The following SLC47A2 variants were observed in gnomAD, a reference collection of about 807,000 sequenced individuals.
SLC47A2 encodes the protein solute carrier family 47 member 2.
A neutral mutation model predicts 67.7 loss-of-function variants in SLC47A2; 52 were observed. The ratio of observed to expected loss-of-function variants is 0.77; its 90% CI spans 0.61 to 0.97. SLC47A2 has a LOEUF of 0.97. SLC47A2 is among the 50% of genes least tolerant of loss of function. The probability of loss-of-function intolerance (pLI) is 0.00; values close to 1 mark genes in which losing one functional copy is unlikely to be tolerated. For synonymous variants in SLC47A2, 278 were observed against 292.9 expected, an observed-to-expected ratio of 0.95 and a Z score of 0.52; for missense variants, 676 against 712.3, an observed-to-expected ratio of 0.95 and a Z score of 0.58.
chr17:19,698,133 C>T (rs533022759), intron 13 of SLC47A2, among the ~76,000 whole-genome samples: 1 of 152,256 alleles, frequency 6.6e-6, no homozygotes, highest in African/African-American at 2.4e-5. Flanking sequence ...AGGGAAAAGA[C>T]TCAAAACGCA....
intron 13 of SLC47A2, among the ~76,000 whole-genome samples, chr17:19,690,090 G>A (rs1382502955): frequency 2.6e-5 from 4 of 152,054 alleles, no homozygotes; most frequent in Non-Finnish European, 5.9e-5. Context: ...CTAATGGAAC[G>A]GAATAGAGAA....
At chr17:19,710,700 G>A (rs549437037) in intron 5 of SLC47A2, among the ~76,000 whole-genome samples, 4 of 152,060 alleles carry the variant, frequency 2.6e-5, no homozygotes, top group Admixed American at 1.3e-4. Flanking sequence ...TGATCTGCCC[G>A]CCTCAGCCTC....
At chr17:19,708,691 C>T in intron 6 of SLC47A2, 25 bp downstream of exon 6, 1 of 1,613,742 alleles carries the variant, frequency 6.2e-7, no homozygotes, top group South Asian at 1.1e-5. Context: ...GGAGAAGGGC[C>T]TCCCCACACA....
intron 13 of SLC47A2, among the ~76,000 whole-genome samples, chr17:19,694,174 ATTG>A (rs2085607210): frequency 6.6e-6 from 1 of 152,200 alleles, no homozygotes; most frequent in Admixed American, 6.6e-5. Context: ...AGGCCTCAAT[ATTG>A]TTAAGATGAC....
intron 13 of SLC47A2, among the ~76,000 whole-genome samples, chr17:19,695,379 T>C (rs1213238402): frequency 6.6e-6 from 1 of 151,396 alleles, no homozygotes; most frequent in Non-Finnish European, 1.5e-5. Context: ...CCCAGCACTT[T>C]GGGAGGCTGA....
chr17:19,701,936 AC>A (rs1292928648), intron 13 of SLC47A2: 1 of 176,198 alleles, frequency 5.7e-6, no homozygotes, highest in African/African-American at 2.4e-5. Context: ...CCCTGTCTCT[AC>A]AAAAAATACG....
intron 13 of SLC47A2, among the ~76,000 whole-genome samples, chr17:19,701,223 T>A (rs995192868): frequency 6.8e-6 from 1 of 147,036 alleles, no homozygotes; most frequent in Non-Finnish European, 1.5e-5. Context: ...ATGGGCTCCA[T>A]AAAGTAGTTT....
At position 19,703,154 on chromosome 17, in the gene SLC47A2, C is replaced by T. The variant is rs752760243; in HGVS notation, c.1032G>A (p.Leu344=). 3.1e-6 allele frequency: 5 copies of T among 1,614,120 alleles called. No homozygotes were observed. ...GGATGCTTATCAGGGTGCCCAGGAC[C>T]AGGGAAATGCCAACTGGAAGAGACA... ...SGVLSIVGIS[L]VLGTLISILK... The change falls in exon 12 of 17, where the codon CTG becomes CTA. Residue 344 remains leucine (L), a synonymous_variant. Coordinates refer to ENST00000433844, the MANE Select transcript of SLC47A2 (RefSeq NM_001099646.3).
chr17:19,707,699 A>T, intron 8 of SLC47A2, 47 bp downstream of exon 8: 1 of 1,515,066 alleles, frequency 6.6e-7, no homozygotes, highest in Non-Finnish European at 9.0e-7. Flanking sequence ...CTAGGGCAGC[A>T]CCACCGCTGG....
chr17:19,688,890 G>C (rs570863082), intron 13 of SLC47A2, among the ~76,000 whole-genome samples: 60 of 149,052 alleles, frequency 4.0e-4, no homozygotes, highest in Non-Finnish European at 8.3e-4. Flanking sequence ...TTAAGAGAGA[G>C]GGTCTCGCTG....
chr17:19,681,714 CTA>C (rs777359210), intron 13 of SLC47A2, 44 bp from the exon 14 acceptor site: 4 of 1,581,302 alleles, frequency 2.5e-6, no homozygotes, highest in Non-Finnish European at 3.4e-6. Flanking sequence ...GATGATGAGA[CTA>C]AGAGCAGGTG....
intron 1 of SLC47A2, 114 bp downstream of exon 1, chr17:19,716,319 G>A: frequency 7.0e-7 from 1 of 1,436,694 alleles, no homozygotes; most frequent in South Asian, 1.5e-5. Context: ...CAGTCAACAT[G>A]GGCAGTTTCT....
In SLC47A2 at chr17:19,713,826, T is replaced by C. The variant is rs1243307869; in HGVS notation, c.442A>G (p.Arg148Gly). 2 of 1,610,640 alleles carry C rather than the reference T, an allele frequency of 1.2e-6. No individual in the cohort carries two copies. Among genetic ancestry groups the C allele is most frequent in the Non-Finnish European group, 1.7e-6 (2 of 1,178,684 alleles). Reference sequence around the variant, plus strand: ...CTCCCCAGCCGGAGCCCAGCGCACCTGGACACGTCCGGGTCCTGCCGGAAG... The same window carrying C: ...CTCCCCAGCCGGAGCCCAGCGCACCCGGACACGTCCGGGTCCTGCCGGAAG... ...LLFRQDPDVS[R>G]LTQDYVMIFI... The change falls in exon 4 of 17, where the codon AGG becomes GGG. Residue 148 changes from arginine to glycine, a missense_variant and splice_region_variant. Coordinates refer to ENST00000433844, the MANE Select transcript of SLC47A2 (RefSeq NM_001099646.3).
At chr17:19,711,612 A>AG (rs1432704150) in intron 5 of SLC47A2, among the ~76,000 whole-genome samples, 38 of 150,340 alleles carry the variant, frequency 2.5e-4, no homozygotes, top group Non-Finnish European at 4.7e-4. Context: ...AAAAAAAAAA[A>AG]AAAAGAAAAG....
At chr17:19,710,411 TC>T (rs2086062392) in intron 5 of SLC47A2, among the ~76,000 whole-genome samples, 1 of 151,810 alleles carries the variant, frequency 6.6e-6, no homozygotes, top group African/African-American at 2.4e-5. Flanking sequence ...CCTGGAAGGG[TC>T]CAAAAAAGTA....
intron 16 of SLC47A2, 148 bp downstream of exon 16, chr17:19,679,804 C>T: frequency 2.7e-6 from 2 of 751,008 alleles, no homozygotes; most frequent in Non-Finnish European, 4.1e-6. Context: ...CTTCCTGGTG[C>T]TTAGGACATC....
chr17:19,715,148 C>A lies in SLC47A2; in HGVS notation c.193G>T (p.Val65Leu). The change falls in exon 2 of 17, where the codon GTG becomes TTG. Residue 65 changes from valine to leucine, a missense_variant. By Grantham distance (32) the Val-to-Leu change is conservative (BLOSUM62 1). Transcript: ENST00000433844. The part of the protein sequence containing the change: ...STVFCGHLGK[V>L]ELASVTLAVA... ...GCGAGGGTCACCGATGCCAGCTCCACCTTGCCCAGGTGCCCGCAGAACACA... is the reference window on the plus strand; with the variant it reads ...GCGAGGGTCACCGATGCCAGCTCCAACTTGCCCAGGTGCCCGCAGAACACA... The A allele has an allele frequency of 1.2e-6, 2 of 1,612,580 alleles. No homozygotes were observed. The highest frequency in any genetic ancestry group is 2.2e-5 in the East Asian group (1 of 44,884).
Position 19,714,635 on chromosome 17 carries a change from C to T in SLC47A2, c.294+86G>A, listed in dbSNP as rs2086199698. The T allele has an allele frequency of 2.6e-6, 4 of 1,518,264 alleles. No individual in the cohort carries two copies. In the South Asian group the frequency reaches 4.5e-5, roughly 17 times the overall value. 94.0% of individuals were successfully genotyped at this position (1,518,264 alleles called of 1,614,324 possible). On this transcript the variant is annotated intron_variant, in intron 3 of 16. Coordinates refer to ENST00000433844, the MANE Select transcript of SLC47A2 (RefSeq NM_001099646.3). ...ATTGCTCCCAGATCACCTGGCTGCGCCCCTCCCACCTGCCATCTCCATGGC... is the reference window on the plus strand; with the variant it reads ...ATTGCTCCCAGATCACCTGGCTGCGTCCCTCCCACCTGCCATCTCCATGGC...
At chr17:19,679,823 A>C (rs774154059) in intron 16 of SLC47A2, 129 bp downstream of exon 16, 11 of 891,854 alleles carry the variant, frequency 1.2e-5, no homozygotes, top group Non-Finnish European at 1.6e-5. Context: ...TCATTTTCAT[A>C]ATAATGGGAA....
Sources: gnomAD v4.1 joint callset for allele counts (sites outside exome capture counted in the v4.1 genomes callset) on GRCh38, gnomAD v4.1.1 for gene constraint, MANE v1.5 for transcripts, NCBI Gene and HGNC (gene_info 2026-07-23, HGNC 2026-07-21) for gene names.